The following SUPT6H variants were observed in gnomAD, a reference collection of about 807,000 sequenced individuals.
SUPT6H encodes the protein transcription elongation factor SPT6.
A neutral mutation model predicts 222.3 loss-of-function variants in SUPT6H; 11 were observed. The observed-to-expected ratio is 0.05, with a 90% CI of 0.03 to 0.08. The LOEUF (loss-of-function observed/expected upper bound fraction) is 0.08. SUPT6H is among the 10% of genes least tolerant of loss of function. The pLI, the probability that SUPT6H is intolerant of heterozygous loss-of-function variation, is 1.00. For synonymous variants in SUPT6H, 762 were observed against 801.2 expected, an observed-to-expected ratio of 0.95 and a Z score of 0.83; for missense variants, 1,422 against 2,216.0, an observed-to-expected ratio of 0.64 and a Z score of 7.19.
intron 1 of SUPT6H, among the ~76,000 whole-genome samples, chr17:28,667,193 G>A (rs1173699995): frequency 4.7e-5 from 6 of 127,836 alleles, no homozygotes; most frequent in African/African-American, 8.2e-5. Flanking sequence ...GTGAAACCCC[G>A]TCTCTACTAA....
intron 32 of SUPT6H, 140 bp from the exon 33 acceptor site, chr17:28,699,641 C>A: frequency 1.3e-6 from 1 of 755,076 alleles, no homozygotes; most frequent in Non-Finnish European, 2.4e-6. Context: ...CCTCCCTTCA[C>A]AGGCCTGGGG....
intron 28 of SUPT6H, chr17:28,694,995 T>TG: frequency 9.4e-6 from 2 of 211,822 alleles, no homozygotes; most frequent in South Asian, 7.5e-5. Flanking sequence ...CGAGTGAGAC[T>TG]GTCTCAAAAA....
At chr17:28,667,011 T>C (rs2030064297) in intron 1 of SUPT6H, among the ~76,000 whole-genome samples, 1 of 152,088 alleles carries the variant, frequency 6.6e-6, no homozygotes, top group Non-Finnish European at 1.5e-5. Flanking sequence ...CTTTTATCTA[T>C]TAAACTTTTA....
rs1246389224 is a variant in SUPT6H at position 28,682,795 on chromosome 17, C to A, written c.1666C>A (p.Arg556=). ...FGENLRDSYQ[R]HETEQFPAEP... ...GGAGAACCTGCGGGATAGCTACCAG[C>A]GGCACGAGACAGAGCAGTTTCCCGC... The change falls in exon 14 of 37, where the codon CGG becomes AGG. Residue 556 remains arginine, a synonymous_variant. Transcript: ENST00000314616. The A allele has an allele frequency of 1.2e-6, 2 of 1,614,148 alleles. No individual in the cohort carries two copies. The highest frequency in any genetic ancestry group is 1.7e-6 in the Non-Finnish European group (2 of 1,180,036).
At chr17:28,676,484 A>G in intron 7 of SUPT6H, 54 bp downstream of exon 7, 1 of 1,606,416 alleles carries the variant, frequency 6.2e-7, no homozygotes, top group South Asian at 1.1e-5. Context: ...CCTTGTAGCC[A>G]AGAAATATTC....
intron 21 of SUPT6H, 131 bp downstream of exon 21, chr17:28,686,920 C>T (rs959203544): frequency 8.2e-6 from 12 of 1,470,534 alleles, no homozygotes; most frequent in East Asian, 6.9e-5. Flanking sequence ...AGAAGTTCTC[C>T]GTTTTGCAGT....
intron 1 of SUPT6H, chr17:28,670,764 A>G (rs2030362795): frequency 6.6e-6 from 1 of 152,324 alleles, no homozygotes. Context: ...GCATGCCTGT[A>G]ATCCCAGCTA....
intron 25 of SUPT6H, 115 bp from the exon 26 acceptor site, chr17:28,689,967 G>A: frequency 7.6e-7 from 1 of 1,308,584 alleles, no homozygotes; most frequent in Non-Finnish European, 1.0e-6. Context: ...AAGAAAAGAA[G>A]AAGCCCTGAC....
In SUPT6H at chr17:28,698,953, G is replaced by T. The variant is rs552588980; in HGVS notation, c.4449-828G>T. Among the ~76,000 whole-genome samples the T allele has an allele frequency of 4.6e-5, 7 of 152,218 alleles. No individual in the cohort carries two copies. In the East Asian group the frequency reaches 1.4e-3, roughly 29 times the overall value. ...ACAGTTGAGCAAACTGGTGGCGGGG[G>T]TGGGGGCTCTAACCAGGACCAGGTG... On this transcript the variant is annotated intron_variant, in intron 32 of 36. Coordinates refer to ENST00000314616, the MANE Select transcript of SUPT6H (RefSeq NM_003170.5).
chr17:28,688,340 A>C lies in SUPT6H; in HGVS notation c.3134+122A>C. 1 of 1,312,046 alleles carries C rather than the reference A, an allele frequency of 7.6e-7. No individual in the cohort carries two copies. The highest frequency in any genetic ancestry group is 1.0e-6 in the Non-Finnish European group (1 of 983,666). 81.3% of individuals were successfully genotyped at this position (1,312,046 alleles called of 1,614,324 possible). A position where few individuals can be genotyped will look rare whatever the true frequency, so the allele number is the denominator to read the frequency against. On this transcript the variant is annotated intron_variant, in intron 24 of 36. Transcript: ENST00000314616. The surrounding 1 kb of genome is among the most constrained non-coding windows in gnomAD (Gnocchi z 4.3). Reference sequence around the variant, plus strand: ...TTAACTTAGGAAATGTTTTAAAGAAAAGGTAAGGAACTTTATTCAGTCAAG... The same window carrying C: ...TTAACTTAGGAAATGTTTTAAAGAACAGGTAAGGAACTTTATTCAGTCAAG...
rs748718147 is a variant in SUPT6H at position 28,675,509 on chromosome 17, G to A, written c.623+24G>A. Reference sequence around the variant, plus strand: ...GCGTGAGTGGGGTCTGGTACAAGGTGGGGATAAAGTGATTGAGTGGGCCCA... The same window carrying A: ...GCGTGAGTGGGGTCTGGTACAAGGTAGGGATAAAGTGATTGAGTGGGCCCA... On this transcript the variant is annotated intron_variant, in intron 6 of 36. Coordinates refer to ENST00000314616, the MANE Select transcript of SUPT6H (RefSeq NM_003170.5). 2 of 1,613,130 alleles carry A rather than the reference G, an allele frequency of 1.2e-6. 1 individual carries two copies. The highest frequency in any genetic ancestry group is 2.2e-5 in the South Asian group (2 of 91,046).
intron 9 of SUPT6H, 50 bp downstream of exon 9, chr17:28,678,242 A>G (rs749938415): frequency 1.3e-6 from 2 of 1,510,358 alleles, no homozygotes; most frequent in Admixed American, 3.6e-5. Context: ...TAGTTAGGGG[A>G]TGAGGGAAAA....
In SUPT6H at chr17:28,683,109, G is replaced by T. The variant is rs1321751793; in HGVS notation, c.1878+17G>T. On this transcript the variant is annotated intron_variant, in intron 15 of 36. Coordinates refer to ENST00000314616, the MANE Select transcript of SUPT6H (RefSeq NM_003170.5). The stretch of plus-strand genomic sequence containing the variant: ...GGTAGAAAGGTGAGCTGGGTGAAGG[G>T]CTTTGATCCAAGATGTGCACCAGCT... 1 of 1,582,456 alleles carries T rather than the reference G, an allele frequency of 6.3e-7. No individual in the cohort carries two copies. The highest frequency in any genetic ancestry group is 1.4e-5 in the African/African-American group (1 of 73,180).
intron 19 of SUPT6H, 131 bp downstream of exon 19, chr17:28,685,092 C>A (rs1341412603): frequency 2.3e-6 from 2 of 859,120 alleles, no homozygotes; most frequent in Non-Finnish European, 3.6e-6. Context: ...ACTGACTTGT[C>A]CCCTGGGATG....
chr17:28,683,552 G>T (rs1292871192), intron 16 of SUPT6H, 69 bp from the exon 17 acceptor site: 1 of 1,587,496 alleles, frequency 6.3e-7, no homozygotes, highest in Non-Finnish European at 8.6e-7. Flanking sequence ...GGCTTGCTTA[G>T]AATGTTCATG....
intron 26 of SUPT6H, among the ~76,000 whole-genome samples, chr17:28,690,463 T>A (rs920880382): frequency 1.2e-4 from 18 of 152,192 alleles, no homozygotes; most frequent in Non-Finnish European, 2.2e-4. Flanking sequence ...TTATAGGCTT[T>A]ATTTTCCCCT....
intron 7 of SUPT6H, among the ~76,000 whole-genome samples, chr17:28,676,788 G>A (rs1318850036): frequency 1.3e-5 from 2 of 151,770 alleles, no homozygotes; most frequent in African/African-American, 4.8e-5. Flanking sequence ...CTAGCTGGTT[G>A]TGATGGTGCA....
intron 26 of SUPT6H, among the ~76,000 whole-genome samples, chr17:28,690,565 A>C (rs1239553862): frequency 6.6e-6 from 1 of 152,180 alleles, no homozygotes. Flanking sequence ...GCTTGAGGCC[A>C]GGAGTTCGAG....
intron 1 of SUPT6H, among the ~76,000 whole-genome samples, 163 bp downstream of exon 1, chr17:28,662,505 G>A (rs1290071135): frequency 3.3e-5 from 5 of 152,150 alleles, no homozygotes; most frequent in Admixed American, 1.3e-4. Flanking sequence ...GGAAAGCGCT[G>A]TAGTTGCTCA....
Sources: allele counts gnomAD v4.1 joint callset (sites outside exome capture counted in the v4.1 genomes callset), GRCh38; gene constraint gnomAD v4.1.1; non-coding constraint Gnocchi (gnomAD v3.1); transcripts MANE v1.5; gene names NCBI Gene and HGNC (gene_info 2026-07-23, HGNC 2026-07-21).